Variants in FRMPD4 observed in about 807,000 individuals in gnomAD.
FRMPD4 encodes the protein FERM and PDZ domain-containing protein 4.
FRMPD4 carries 22 observed loss-of-function variants against 94.1 expected under a neutral mutation model. The ratio of observed to expected loss-of-function variants is 0.23; its 90% CI spans 0.17 to 0.33. The LOEUF is 0.33. FRMPD4 is among the 10% of genes least tolerant of loss of function. The pLI, the probability that FRMPD4 is intolerant of heterozygous loss-of-function variation, is 1.00. For synonymous variants in FRMPD4, 631 were observed against 548.6 expected (o/e 1.15, Z -2.10); for missense variants, 1,111 against 1,339.9 (o/e 0.83, Z 2.67).
intron 1 of FRMPD4, among the ~76,000 whole-genome samples, chrX:12,395,561 A>G (rs1204970412): frequency 9.0e-6 from 1 of 111,613 alleles, no homozygotes; most frequent in Non-Finnish European, 1.9e-5. Flanking sequence ...TTATTTTGAC[A>G]TAATTTCTCT....
intron 2 of FRMPD4, among the ~76,000 whole-genome samples, chrX:12,519,461 G>T (rs962671628): frequency 8.9e-6 from 1 of 111,742 alleles, no homozygotes; most frequent in Non-Finnish European, 1.9e-5. Flanking sequence ...GAACATGGGG[G>T]AAAGCTTTAT....
intron 1 of FRMPD4, among the ~76,000 whole-genome samples, chrX:12,451,816 C>CA (rs1427959657): frequency 1.9e-5 from 2 of 107,812 alleles, no homozygotes; most frequent in Non-Finnish European, 3.8e-5. Flanking sequence ...CAAGTGTTTG[C>CA]ATATTAAATA....
chrX:11,927,427 C>G (rs1181269600), intron 3 of FRMPD4, among the ~76,000 whole-genome samples: 2 of 111,764 alleles, frequency 1.8e-5, no homozygotes, highest in Non-Finnish European at 3.8e-5. Flanking sequence ...CAAAAAGGAG[C>G]CTGAATAGCC....
intron 1 of FRMPD4, among the ~76,000 whole-genome samples, chrX:12,168,681 A>G (rs990714904): frequency 3.3e-4 from 29 of 88,584 alleles, no homozygotes; most frequent in African/African-American, 1.3e-3. Flanking sequence ...GCTGGAGTGC[A>G]GTGGTGTGAT....
chrX:12,304,701 C>T (rs1334534316), intron 1 of FRMPD4, among the ~76,000 whole-genome samples: 1 of 111,706 alleles, frequency 9.0e-6, no homozygotes, highest in Non-Finnish European at 1.9e-5. Context: ...CAGCCCTTCC[C>T]GTCACTCATT....
chrX:12,250,022 T>TTC (rs3835008), intron 1 of FRMPD4, among the ~76,000 whole-genome samples: 1,386 of 97,468 alleles, frequency 0.014, 12 homozygotes, highest in Middle Eastern at 0.079. Context: ...AATTATGGTA[T>TTC]TCTCTCTCTC....
intron 1 of FRMPD4, among the ~76,000 whole-genome samples, chrX:12,298,324 C>G (rs954446343): frequency 2.7e-5 from 3 of 112,140 alleles, no homozygotes; most frequent in Non-Finnish European, 5.6e-5. Context: ...TTCATTAAAC[C>G]AATTTTATGA....
At chrX:11,969,002 T>C (rs2054326254) in intron 3 of FRMPD4, among the ~76,000 whole-genome samples, 1 of 112,508 alleles carries the variant, frequency 8.9e-6, no homozygotes, top group African/African-American at 3.2e-5. Context: ...TTCCCACTTA[T>C]GTGAGGCAGT....
At chrX:12,076,664 A>G (rs916877340) in intron 3 of FRMPD4, among the ~76,000 whole-genome samples, 1 of 110,600 alleles carries the variant, frequency 9.0e-6, no homozygotes, top group Non-Finnish European at 1.9e-5. Context: ...AAAATCCACA[A>G]TTGAAGGCAC....
At chrX:12,430,289 A>C (rs921247335) in intron 1 of FRMPD4, among the ~76,000 whole-genome samples, 6 of 112,291 alleles carry the variant, frequency 5.3e-5, no homozygotes, top group African/African-American at 1.9e-4. Flanking sequence ...TCATAACTCC[A>C]TGAAAACCCT....
chrX:12,526,535 G>A (rs1229505810), intron 2 of FRMPD4, among the ~76,000 whole-genome samples: 1 of 112,168 alleles, frequency 8.9e-6, no homozygotes, highest in Non-Finnish European at 1.9e-5. Flanking sequence ...GGACTTTAGA[G>A]TAATCCTATT....
intron 1 of FRMPD4, among the ~76,000 whole-genome samples, chrX:12,360,953 A>G (rs2055977833): frequency 1.1e-5 from 1 of 91,963 alleles, no homozygotes; most frequent in African/African-American, 3.9e-5. Context: ...TCAAGCCATG[A>G]AAAGAAAAAA....
At chrX:11,979,335 ATGTT>A in intron 3 of FRMPD4, among the ~76,000 whole-genome samples, 1 of 112,356 alleles carries the variant, frequency 8.9e-6, no homozygotes, top group Middle Eastern at 4.6e-3. Flanking sequence ...CAGTTAATAG[ATGTT>A]TGTTCCCTAT....
chrX:12,572,933 C>T (rs2058773760), intron 2 of FRMPD4, among the ~76,000 whole-genome samples: 1 of 111,622 alleles, frequency 9.0e-6, no homozygotes, highest in African/African-American at 3.3e-5. Context: ...AATAAAAAGT[C>T]TCTCAGGTAT....
intron 2 of FRMPD4, among the ~76,000 whole-genome samples, chrX:12,517,954 C>T (rs957171536): frequency 8.9e-6 from 1 of 112,400 alleles, no homozygotes; most frequent in African/African-American, 3.2e-5. Flanking sequence ...AGAGAGGGGT[C>T]AGAGTCTGGC....
chrX:11,951,655 C>A (rs924281249), intron 3 of FRMPD4, among the ~76,000 whole-genome samples: 1 of 111,804 alleles, frequency 8.9e-6, no homozygotes, highest in African/African-American at 3.3e-5. Flanking sequence ...AGGCTTAATA[C>A]CTGGGTGATG....
At chrX:12,031,653 C>T (rs960748898) in intron 3 of FRMPD4, among the ~76,000 whole-genome samples, 6 of 111,647 alleles carry the variant, frequency 5.4e-5, no homozygotes, top group Admixed American at 3.8e-4. Context: ...ACTTGTTAAA[C>T]GTGCTACAAT....
chrX:11,964,808 T>G (rs2054302011), intron 3 of FRMPD4, among the ~76,000 whole-genome samples: 2 of 113,033 alleles, frequency 1.8e-5, no homozygotes, highest in African/African-American at 6.4e-5. Flanking sequence ...AGGTCAGAAG[T>G]CTGAAATGAT....
At chrX:12,251,635 G>C (rs960360410) in intron 1 of FRMPD4, among the ~76,000 whole-genome samples, 1 of 111,942 alleles carries the variant, frequency 8.9e-6, no homozygotes, top group Non-Finnish European at 1.9e-5. Context: ...CTCACCAGGT[G>C]TTCCTTAGAG....
Sources: allele counts gnomAD v4.1 joint callset (sites outside exome capture counted in the v4.1 genomes callset), GRCh38; gene constraint gnomAD v4.1.1; transcripts MANE v1.5; gene names NCBI Gene and HGNC (gene_info 2026-07-23, HGNC 2026-07-21).